The following SLC5A10 variants were observed in gnomAD, a reference collection of about 807,000 sequenced individuals.
SLC5A10 encodes solute carrier family 5 member 10, also known as sodium/mannose cotransporter SLC5A10.
A neutral mutation model predicts 68.9 loss-of-function variants in SLC5A10; 55 were observed. The observed-to-expected ratio is 0.80, with a 90% CI of 0.64 to 1.00. The LOEUF is 1.00. Among genes scored for constraint, SLC5A10 ranks in the 50% least tolerant of loss-of-function variants. SLC5A10 has a pLI of 0.00. For missense variants in SLC5A10, 732 were observed against 819.3 expected (o/e 0.89, Z 1.30); for synonymous variants, 344 against 344.8 (o/e 1.00, Z 0.02).
chr17:18,998,175 G>T (rs73981281), intron 9 of SLC5A10, among the ~76,000 whole-genome samples: 3 of 152,196 alleles, frequency 2.0e-5, no homozygotes, highest in African/African-American at 2.4e-5. Context: ...TGCCAGGCTG[G>T]GGCCAACGTG....
Position 19,003,802 on chromosome 17 carries a change from G to A in SLC5A10, c.983-9608G>A, listed in dbSNP as rs1163880560. Reference sequence around the variant, plus strand: ...CCTGAGAGGGGCCCGTGCCCCGAGGGTCCTCAGAGCCCGGGTCGTACACCT... The same window carrying A: ...CCTGAGAGGGGCCCGTGCCCCGAGGATCCTCAGAGCCCGGGTCGTACACCT... On this transcript the variant is annotated intron_variant, in intron 9 of 14. Coordinates refer to ENST00000395645, the MANE Select transcript of SLC5A10 (RefSeq NM_001042450.4). This position sits in a 1 kb window ranked among gnomAD's most constrained non-coding sequence, Gnocchi z 4.5. The A allele has an allele frequency of 1.2e-6, 2 of 1,612,622 alleles. No homozygotes were observed. Among genetic ancestry groups the A allele is most frequent in the Non-Finnish European group, 1.7e-6 (2 of 1,179,780 alleles).
intron 9 of SLC5A10, among the ~76,000 whole-genome samples, chr17:18,985,799 C>A (rs1300212698): frequency 6.6e-6 from 1 of 152,192 alleles, no homozygotes; most frequent in Non-Finnish European, 1.5e-5. Context: ...GCAGGGCAGG[C>A]GGGGCCAGGG....
chr17:18,954,658 G>A (rs9303159), intron 1 of SLC5A10, among the ~76,000 whole-genome samples: 6,994 of 152,268 alleles, frequency 0.046, 398 homozygotes, highest in African/African-American at 0.14. Context: ...GGCGGGGGCC[G>A]GGGGGAGGCC....
chr17:18,973,884 G>GTTTTTTTTTTT (rs35778801), intron 8 of SLC5A10, among the ~76,000 whole-genome samples: 1 of 95,740 alleles, frequency 1.0e-5, no homozygotes, highest in Non-Finnish European at 2.0e-5. Flanking sequence ...TTTTTTTTAA[G>GTTTTTTTTTTT]TTTTTTTTTT....
intron 9 of SLC5A10, among the ~76,000 whole-genome samples, chr17:19,007,623 C>G (rs1029979554): frequency 6.6e-6 from 1 of 152,116 alleles, no homozygotes; most frequent in African/African-American, 2.4e-5. Flanking sequence ...CAGGCTTATA[C>G]TGTTGAATTT....
intron 9 of SLC5A10, among the ~76,000 whole-genome samples, chr17:18,980,970 G>A (rs991461357): frequency 6.6e-6 from 1 of 152,242 alleles, no homozygotes. Context: ...CGGCTATGAC[G>A]TGTTCTTAGT....
At chr17:18,985,261 T>C (rs575343683) in intron 9 of SLC5A10, among the ~76,000 whole-genome samples, 6 of 152,206 alleles carry the variant, frequency 3.9e-5, no homozygotes, top group African/African-American at 1.4e-4. Context: ...GACAGATAAA[T>C]GACCATGTCC....
At chr17:18,986,434 C>A (rs751791384) in intron 9 of SLC5A10, 1 of 152,210 alleles carries the variant, frequency 6.6e-6, no homozygotes, top group Admixed American at 6.5e-5. Context: ...GGCTTTTAGG[C>A]GCCACCCCTA....
upstream of SLC5A10, among the ~76,000 whole-genome samples, chr17:18,951,184 T>C (rs1020924148): frequency 6.6e-6 from 1 of 152,240 alleles, no homozygotes; most frequent in Non-Finnish European, 1.5e-5. Flanking sequence ...GTCATGTCAC[T>C]GAGCAGAGGC....
chr17:18,974,946 G>A (rs2042943138), intron 8 of SLC5A10, among the ~76,000 whole-genome samples: 1 of 152,138 alleles, frequency 6.6e-6, no homozygotes, highest in African/African-American at 2.4e-5. Context: ...TCAGGGGTGG[G>A]GAAAGCCCCT....
At chr17:18,964,231 T>C (rs1258704185) in intron 5 of SLC5A10, among the ~76,000 whole-genome samples, 2 of 152,168 alleles carry the variant, frequency 1.3e-5, no homozygotes, top group Non-Finnish European at 2.9e-5. Context: ...CCCACATGCC[T>C]CGTGGGTCTA....
intron 1 of SLC5A10, among the ~76,000 whole-genome samples, chr17:18,954,799 G>A (rs1199948048): frequency 6.6e-5 from 10 of 152,320 alleles, no homozygotes; most frequent in East Asian, 3.9e-4. Context: ...TAGGCCGGGC[G>A]CAGTGGCTCA....
At chr17:18,981,460 TG>T (rs1216578649) in intron 9 of SLC5A10, among the ~76,000 whole-genome samples, 2 of 152,126 alleles carry the variant, frequency 1.3e-5, no homozygotes, top group African/African-American at 4.8e-5. Flanking sequence ...GCGATGGGGT[TG>T]GGTGTGTATC....
At chr17:18,952,891 G>A (rs1282834597) in intron 1 of SLC5A10, among the ~76,000 whole-genome samples, 1 of 152,160 alleles carries the variant, frequency 6.6e-6, no homozygotes, top group Non-Finnish European at 1.5e-5. Flanking sequence ...GGGGCCCCTG[G>A]GGACAGGCTG....
chr17:19,012,423 C>G (rs2044033836), intron 9 of SLC5A10, among the ~76,000 whole-genome samples: 1 of 152,244 alleles, frequency 6.6e-6, no homozygotes, highest in African/African-American at 2.4e-5. Context: ...GTGTACCACC[C>G]CAGCCATGGG....
chr17:18,976,664 C>T lies in SLC5A10; in HGVS notation c.847-190C>T, dbSNP rs2042987585. ...GTGTACCTCGGCTCTCGCTGCTTGGCCTGCTGAAGTGAGCTCTCCTGGTGG... is the reference window on the plus strand; with the variant it reads ...GTGTACCTCGGCTCTCGCTGCTTGGTCTGCTGAAGTGAGCTCTCCTGGTGG... On this transcript the variant is annotated intron_variant, in intron 8 of 14. Transcript: ENST00000395645. The T allele has an allele frequency of 1.0e-5, 7 of 675,746 alleles. No homozygotes were observed. In the South Asian group the frequency reaches 1.5e-4, roughly 15 times the overall value. The allele number at this position is 675,746 out of a possible 1,614,324, so 41.9% of individuals were successfully genotyped here.
At chr17:18,962,529 C>T (rs1401710722) in intron 5 of SLC5A10, among the ~76,000 whole-genome samples, 1 of 152,078 alleles carries the variant, frequency 6.6e-6, no homozygotes, top group Middle Eastern at 3.2e-3. Context: ...GGCCCGTGTG[C>T]CACATTTGCC....
At chr17:18,974,908 T>C (rs1038901955) in intron 8 of SLC5A10, among the ~76,000 whole-genome samples, 2 of 151,906 alleles carry the variant, frequency 1.3e-5, no homozygotes, top group African/African-American at 4.8e-5. Context: ...GACATCTGAG[T>C]TGGGGGCCCA....
rs2044279854 is a variant in SLC5A10 at position 19,022,483 on chromosome 17, G to A, written c.*2052G>A. On this transcript the variant is annotated 3_prime_UTR_variant, in exon 15 of 15. Coordinates refer to ENST00000395645, the MANE Select transcript of SLC5A10 (RefSeq NM_001042450.4). The stretch of plus-strand genomic sequence containing the variant: ...GCTTCTCTTGGGATCTTATTTACCC[G>A]ACTCTGCAGCAGCCATGGTAGCTTT... The A allele has an allele frequency of 3.8e-6, 1 of 263,470 alleles. No individual in the cohort carries two copies. The highest frequency in any genetic ancestry group is 7.1e-6 in the Non-Finnish European group (1 of 140,062). 16.3% of individuals were successfully genotyped at this position (263,470 alleles called of 1,614,324 possible). A position where few individuals can be genotyped will look rare whatever the true frequency, so the allele number is the denominator to read the frequency against.
Sources: gnomAD v4.1 joint callset for allele counts (sites outside exome capture counted in the v4.1 genomes callset) on GRCh38, gnomAD v4.1.1 for gene constraint, Gnocchi (gnomAD v3.1) non-coding constraint, MANE v1.5 for transcripts, NCBI Gene and HGNC (gene_info 2026-07-23, HGNC 2026-07-21) for gene names.